ABI3BP: variants seen among roughly 807,000 people sequenced by gnomAD.
ABI3BP encodes ABI family member 3 binding protein, also known as target of Nesh-SH3.
Under a neutral mutation model 268.6 loss-of-function variants are expected in ABI3BP, and 216 were observed. The ratio of observed to expected loss-of-function variants is 0.80; its 90% CI spans 0.72 to 0.90. The LOEUF (loss-of-function observed/expected upper bound fraction) is 0.90, where lower values mean the gene tolerates loss of function less well. Ranked by LOEUF, ABI3BP falls within the 40% of genes least tolerant of loss-of-function variation. The probability of loss-of-function intolerance (pLI) is 0.00; values close to 1 mark genes in which losing one functional copy is unlikely to be tolerated. For synonymous variants in ABI3BP, 730 were observed against 730.0 expected, an observed-to-expected ratio of 1.00 and a Z score of 0.00; for missense variants, 2,090 against 2,182.4, an observed-to-expected ratio of 0.96 and a Z score of 0.84.
At position 100,864,868 on chromosome 3, in the gene ABI3BP, G is replaced by T. The variant is rs374568083; in HGVS notation, c.1028C>A (p.Thr343Lys). The change falls in exon 11 of 68, where the codon ACG (threonine) becomes AAG (lysine). Residue 343 changes from threonine to lysine, a missense_variant. Coordinates refer to ENST00000471714, the MANE Select transcript of ABI3BP (RefSeq NM_001375547.2). ...ETVPRSTKPT[T>K]SSALDVSETT... ...TTCTGAAACATCTAATGCACTAGACGTAGTGGGTTTAGTGCTTCTTGGAAC... is the reference window on the plus strand; with the variant it reads ...TTCTGAAACATCTAATGCACTAGACTTAGTGGGTTTAGTGCTTCTTGGAAC... 5.6e-6 allele frequency: 9 copies of T among 1,608,666 alleles called. No individual in the cohort carries two copies. The highest frequency in any genetic ancestry group is 7.6e-6 in the Non-Finnish European group (9 of 1,178,296).
chr3:100,801,452 AAAAG>A, intron 51 of ABI3BP, among the ~76,000 whole-genome samples: 1 of 146,232 alleles, frequency 6.8e-6, no homozygotes, highest in African/African-American at 2.4e-5. Context: ...AAAAGAAAAG[AAAAG>A]AAAAAAAGAT....
Position 100,821,099 on chromosome 3 carries a change from G to T in ABI3BP, c.2902C>A (p.Leu968Ile), listed in dbSNP as rs190140224. The T allele has an allele frequency of 3.3e-6, 5 of 1,535,754 alleles. No individual in the cohort carries two copies. The highest frequency in any genetic ancestry group is 1.4e-5 in the African/African-American group (1 of 73,048). The change falls in exon 39 of 68, where the codon CTC becomes ATC. Residue 968 changes from leucine (L) to isoleucine (I), a missense_variant. Physicochemically the swap from Leu to Ile is conservative, Grantham distance 5. Transcript: ENST00000471714. The stretch of plus-strand genomic sequence containing the variant: ...TCAGTTCTGAGTGTAACAGGTTTGA[G>T]CTCCGCAGTAGGAACTGATCAAAAG... ...PESKPVPTAELKPVTLRTETW... is the reference protein window; with the variant it reads ...PESKPVPTAEIKPVTLRTETW...
chr3:100,914,402 C>A, intron 2 of ABI3BP: 1 of 453,828 alleles, frequency 2.2e-6, no homozygotes, highest in Non-Finnish European at 4.4e-6. Flanking sequence ...GCAGGCTGAG[C>A]TCATACTAAA....
At chr3:100,990,629 T>C (rs1219527844) in intron 1 of ABI3BP, among the ~76,000 whole-genome samples, 2 of 150,090 alleles carry the variant, frequency 1.3e-5, no homozygotes, top group Non-Finnish European at 3.0e-5. Flanking sequence ...AATGTAGATA[T>C]GTTCTTAGGA....
chr3:100,955,063 T>A (rs1301828583), intron 1 of ABI3BP, among the ~76,000 whole-genome samples: 1 of 137,112 alleles, frequency 7.3e-6, no homozygotes, highest in Non-Finnish European at 1.5e-5. Flanking sequence ...TCTCTTCTCA[T>A]AAAGTCAGCA....
Position 100,897,369 on chromosome 3 carries a change from G to A in ABI3BP, c.461+1393C>T, listed in dbSNP as rs1028782219. On this transcript the variant is annotated intron_variant, in intron 4 of 67. Coordinates refer to ENST00000471714, the MANE Select transcript of ABI3BP (RefSeq NM_001375547.2). ...TAAAATGTCCACCAAAATTTTATGC[G>A]AAAATGTTTATACAGTCTGTATTCA... Among the ~76,000 whole-genome samples, 11 of 151,836 alleles carry A rather than the reference G, an allele frequency of 7.2e-5. 1 individual carries two copies. In the South Asian group the frequency reaches 8.3e-4, roughly 11 times the overall value.
chr3:100,940,978 T>C (rs922980523), intron 1 of ABI3BP, among the ~76,000 whole-genome samples: 1 of 147,276 alleles, frequency 6.8e-6, no homozygotes, highest in African/African-American at 2.5e-5. Flanking sequence ...CAAGAAAAAA[T>C]TCTGATTAAA....
chr3:100,816,275 G>T, intron 43 of ABI3BP: 1 of 453,734 alleles, frequency 2.2e-6, no homozygotes, highest in Non-Finnish European at 3.9e-6. Context: ...TTAGGCAACA[G>T]ATACGAAAAT....
intron 14 of ABI3BP, among the ~76,000 whole-genome samples, chr3:100,860,113 G>A (rs925198995): frequency 5.3e-5 from 8 of 152,072 alleles, no homozygotes; most frequent in Admixed American, 1.3e-4. Flanking sequence ...TGTTCATATC[G>A]CCTGGGCATC....
At chr3:100,803,198 GTT>G (rs1028188641) in intron 51 of ABI3BP, among the ~76,000 whole-genome samples, 14 of 146,046 alleles carry the variant, frequency 9.6e-5, no homozygotes, top group African/African-American at 3.4e-4. Flanking sequence ...TACTCTGCTC[GTT>G]CAAACTCTGG....
At chr3:100,979,250 T>C (rs2087931344) in intron 1 of ABI3BP, among the ~76,000 whole-genome samples, 1 of 152,204 alleles carries the variant, frequency 6.6e-6, no homozygotes, top group South Asian at 2.1e-4. Context: ...TAAATAGCCA[T>C]GTTTCAATAA....
At chr3:100,976,295 T>C (rs568209568) in intron 1 of ABI3BP, among the ~76,000 whole-genome samples, 1 of 152,298 alleles carries the variant, frequency 6.6e-6, no homozygotes, top group Admixed American at 6.5e-5. Context: ...ATATAAAATA[T>C]TCCCTACATA....
chr3:100,888,158 C>T (rs1342518655), intron 4 of ABI3BP, among the ~76,000 whole-genome samples: 1 of 152,046 alleles, frequency 6.6e-6, no homozygotes, highest in Admixed American at 6.6e-5. Flanking sequence ...GTGCTCAGGG[C>T]TCCATTCCCC....
chr3:100,935,894 T>G (rs1340118494), intron 1 of ABI3BP, among the ~76,000 whole-genome samples: 1 of 152,196 alleles, frequency 6.6e-6, no homozygotes, highest in Non-Finnish European at 1.5e-5. Context: ...TGATGGGGTT[T>G]TCTAAATATA....
rs557635982 is a variant in ABI3BP at position 100,808,093 on chromosome 3, G to A, written c.3682+68C>T. 3.2e-4 allele frequency: 444 copies of A among 1,373,876 alleles called. 8 individuals carry two copies. In the South Asian group the frequency reaches 5.4e-3, roughly 17 times the overall value. The allele number at this position is 1,373,876 out of a possible 1,614,324, so 85.1% of individuals were successfully genotyped here. On this transcript the variant is annotated intron_variant, in intron 50 of 67. Coordinates refer to ENST00000471714, the MANE Select transcript of ABI3BP (RefSeq NM_001375547.2). ...TCAATCTGCTATCATAACTATTAAT[G>A]AACAATTTGCTAGAATAACCCCACT...
chr3:100,909,005 C>T (rs145753991), intron 2 of ABI3BP, among the ~76,000 whole-genome samples: 1 of 152,166 alleles, frequency 6.6e-6, no homozygotes, highest in Non-Finnish European at 1.5e-5. Context: ...TGACTTCAAA[C>T]TATACCACAA....
intron 4 of ABI3BP, among the ~76,000 whole-genome samples, chr3:100,894,678 G>A (rs184022423): frequency 8.5e-5 from 13 of 152,056 alleles, no homozygotes; most frequent in African/African-American, 2.4e-4. Flanking sequence ...GGTGGCTCAC[G>A]CCTGTAATCC....
intron 1 of ABI3BP, among the ~76,000 whole-genome samples, chr3:100,978,034 T>C (rs1001023183): frequency 2.6e-5 from 4 of 152,226 alleles, no homozygotes; most frequent in African/African-American, 9.6e-5. Context: ...CTTAGACTTC[T>C]TCAAGAAGCT....
intron 58 of ABI3BP, 26 bp from the exon 59 acceptor site, chr3:100,778,402 T>A (rs1442323772): frequency 6.3e-7 from 1 of 1,581,212 alleles, no homozygotes; most frequent in Admixed American, 1.7e-5. Context: ...AGAGATTGTA[T>A]TTTAGATAAA....
Sources: allele counts gnomAD v4.1 joint callset (sites outside exome capture counted in the v4.1 genomes callset), GRCh38; gene constraint gnomAD v4.1.1; transcripts MANE v1.5; gene names NCBI Gene and HGNC (gene_info 2026-07-23, HGNC 2026-07-21).